HHLA1: variants seen among roughly 807,000 people sequenced by gnomAD.
HHLA1 encodes the protein HERV-H LTR-associating protein 1.
In HHLA1, 72 loss-of-function variants were observed where a neutral mutation model predicts 69.9. The ratio of observed to expected loss-of-function variants is 1.03; its 90% CI spans 0.85 to 1.25. The LOEUF (loss-of-function observed/expected upper bound fraction) is 1.25, where lower values mean the gene tolerates loss of function less well. Ranked by LOEUF, HHLA1 falls within the 50% of genes most tolerant of loss-of-function variation. The pLI, the probability that HHLA1 is intolerant of heterozygous loss-of-function variation, is 0.00. For missense variants in HHLA1, 685 were observed against 642.2 expected (o/e 1.07, Z -0.72); for synonymous variants, 252 against 233.2 (o/e 1.08, Z -0.73).
chr8:132,081,134 T>C (rs1202417697), intron 10 of HHLA1: 1 of 104,162 alleles, frequency 9.6e-6, no homozygotes, highest in Non-Finnish European at 2.0e-5. Context: ...CCAGTAGATA[T>C]CAGCTGTGAT....
chr8:132,072,559 C>T (rs1202462907), intron 14 of HHLA1, among the ~76,000 whole-genome samples: 11 of 152,158 alleles, frequency 7.2e-5, no homozygotes, highest in Non-Finnish European at 1.6e-4. Flanking sequence ...TTTCTAGGGA[C>T]TGGAAGGTTA....
intron 7 of HHLA1, among the ~76,000 whole-genome samples, chr8:132,095,000 C>T (rs907480694): frequency 6.6e-6 from 1 of 152,202 alleles, no homozygotes; most frequent in African/African-American, 2.4e-5. Flanking sequence ...AAAAAAAGTT[C>T]AGATAATCTA....
intron 1 of HHLA1, among the ~76,000 whole-genome samples, chr8:132,108,107 T>G (rs573245325): frequency 2.6e-5 from 4 of 152,318 alleles, no homozygotes; most frequent in South Asian, 4.1e-4. Flanking sequence ...ACCCTGGAGT[T>G]GGAGGACTGC....
chr8:132,084,999 G>A (rs549040627), intron 10 of HHLA1, among the ~76,000 whole-genome samples: 5 of 152,124 alleles, frequency 3.3e-5, no homozygotes, highest in Admixed American at 3.3e-4. Context: ...AGAAGGGGTT[G>A]AGGGGTATTT....
rs750111284 is a variant in HHLA1, at chr8:132,070,011, CGGGGG to C, written c.1469+1324_1469+1328del. On this transcript the variant is annotated intron_variant, in intron 15 of 16. Transcript: ENST00000414222. ...TGAATGGAGGAAATGTTCGTACTGA[CGGGGG>C]GGGGGGGGAGGGGGATGAAAGATTA... 66 of 24,204 alleles carry C rather than the reference CGGGGG, an allele frequency of 2.7e-3. 20 individuals carry two copies. Among genetic ancestry groups the C allele is most frequent in the Admixed American group, 0.017 (37 of 2,234 alleles). 1.5% of individuals were successfully genotyped at this position (24,204 alleles called of 1,614,324 possible). A position where few individuals can be genotyped will look rare whatever the true frequency, so the allele number is the denominator to read the frequency against.
chr8:132,105,225 C>G lies in HHLA1; in HGVS notation c.41G>C (p.Cys14Ser). ...FLSRGPSMKLCMGLACVLSLW... is the reference protein window; with the variant it reads ...FLSRGPSMKLSMGLACVLSLW... ...GGACAAGACACATGCCAGGCCCATG[C>G]ACAGCTTCATTGAAGGACCACGTGA... The change falls in exon 2 of 17, where the codon TGC becomes TCC. Residue 14 changes from cysteine (C) to serine (S), a missense_variant. Cys to Ser is a moderately radical substitution (Grantham distance 112). Transcript: ENST00000414222. 6.4e-7 allele frequency: 1 copy of G among 1,552,204 alleles called. No homozygotes were observed. The highest frequency in any genetic ancestry group is 8.7e-7 in the Non-Finnish European group (1 of 1,147,096).
intron 11 of HHLA1, among the ~76,000 whole-genome samples, chr8:132,079,421 G>T (rs971038298): frequency 6.6e-6 from 1 of 152,194 alleles, no homozygotes. Context: ...CTGGGTGAAG[G>T]GTACCAGGGA....
At chr8:132,099,953 G>A in intron 4 of HHLA1, 122 bp downstream of exon 4, 1 of 683,788 alleles carries the variant, frequency 1.5e-6, no homozygotes, top group Non-Finnish European at 2.6e-6. Flanking sequence ...TTTACTTAAT[G>A]ATCAGATAAT....
intron 10 of HHLA1, among the ~76,000 whole-genome samples, chr8:132,081,363 T>A (rs1823750423): frequency 6.6e-6 from 1 of 152,156 alleles, no homozygotes; most frequent in African/African-American, 2.4e-5. Context: ...AGGCCTGAAT[T>A]CTGAGAAGGG....
chr8:132,074,855 G>A (rs1823608024), intron 14 of HHLA1, among the ~76,000 whole-genome samples: 1 of 152,234 alleles, frequency 6.6e-6, no homozygotes, highest in East Asian at 1.9e-4. Flanking sequence ...AGATGAGTGG[G>A]TAGGTTAATA....
intron 15 of HHLA1, among the ~76,000 whole-genome samples, chr8:132,069,037 T>C (rs1823486662): frequency 6.6e-6 from 1 of 151,940 alleles, no homozygotes; most frequent in African/African-American, 2.4e-5. Flanking sequence ...AGCTCTAGAG[T>C]GAAAGTCAAA....
At chr8:132,099,374 A>G (rs1196624724) in intron 4 of HHLA1, among the ~76,000 whole-genome samples, 3 of 152,238 alleles carry the variant, frequency 2.0e-5, no homozygotes, top group Non-Finnish European at 4.4e-5. Flanking sequence ...GAGCATTGAC[A>G]TCACCTGGAA....
rs1245524627 is a variant in HHLA1, at chr8:132,087,644, G to A, written c.676+9C>T. 6.5e-7 allele frequency: 1 copy of A among 1,539,564 alleles called. No homozygotes were observed. Among genetic ancestry groups the A allele is most frequent in the Non-Finnish European group, 8.8e-7 (1 of 1,136,146 alleles). The stretch of plus-strand genomic sequence containing the variant: ...GTCTATGGGAGGAGTTTGGGAGGTT[G>A]GTACTCACCCAGAACACCAGACAAG... On this transcript the variant is annotated intron_variant, in intron 10 of 16. Transcript: ENST00000414222.
rs138398571 is a variant in HHLA1, at chr8:132,077,667, A to T, written c.1171+59T>A. The T allele has an allele frequency of 4.5e-4, 673 of 1,507,388 alleles. 12 individuals are homozygous for T. In the East Asian group the frequency reaches 0.016, roughly 35 times the overall value. 93.4% of individuals were successfully genotyped at this position (1,507,388 alleles called of 1,614,324 possible). A position where few individuals can be genotyped will look rare whatever the true frequency, so the allele number is the denominator to read the frequency against. Reference sequence around the variant, plus strand: ...CCAAAAATTTAGAAAGTTTATCAAAACAGACAATGCTAAGTTTAATTTAAA... The same window carrying T: ...CCAAAAATTTAGAAAGTTTATCAAATCAGACAATGCTAAGTTTAATTTAAA... On this transcript the variant is annotated intron_variant, in intron 12 of 16. Transcript: ENST00000414222.
At chr8:132,096,591 C>T (rs532210058) in intron 5 of HHLA1, among the ~76,000 whole-genome samples, 1 of 152,258 alleles carries the variant, frequency 6.6e-6, no homozygotes, top group South Asian at 2.1e-4. Flanking sequence ...TACTCTCCAT[C>T]AGTGCCTGTT....
rs926748506 is a variant in HHLA1 at position 132,095,831 on chromosome 8, C to A, written c.281-45G>T. ...AAAGAGACAGACAGATGCCTACTAACGTAACAATAATACAAATAAGTAAAC... is the reference window on the plus strand; with the variant it reads ...AAAGAGACAGACAGATGCCTACTAAAGTAACAATAATACAAATAAGTAAAC... On this transcript the variant is annotated intron_variant, in intron 5 of 16. Coordinates refer to ENST00000414222, the MANE Select transcript of HHLA1 (RefSeq NM_001145095.3). 6 of 1,203,476 alleles carry A rather than the reference C, an allele frequency of 5.0e-6. No individual in the cohort carries two copies. In the Admixed American group the frequency reaches 7.4e-5, roughly 15 times the overall value. The allele number at this position is 1,203,476 out of a possible 1,614,324, so 74.5% of individuals were successfully genotyped here. A position where few individuals can be genotyped will look rare whatever the true frequency, so the allele number is the denominator to read the frequency against.
chr8:132,095,459 A>C, intron 7 of HHLA1, 60 bp downstream of exon 7: 1 of 1,131,648 alleles, frequency 8.8e-7, no homozygotes, highest in African/African-American at 1.5e-5. Context: ...ACAAAAACTT[A>C]TCTAAAAGGA....
Position 132,071,479 on chromosome 8 carries a change from G to C in HHLA1, c.1330C>G (p.Leu444Val), listed in dbSNP as rs1183337482. The C allele has an allele frequency of 6.4e-7, 1 of 1,551,408 alleles. No individual in the cohort carries two copies. The highest frequency in any genetic ancestry group is 2.4e-5 in the East Asian group (1 of 40,934). ...GCTGCCATAGCTCCCACCTTGAAGA[G>C]TGGCTGAGGACACCCTAGAAGATGC... ...PHQVSRCPQPLFKVGAMAAAP... is the reference protein window; with the variant it reads ...PHQVSRCPQPVFKVGAMAAAP... The change falls in exon 15 of 17, where the codon CTC becomes GTC. Residue 444 changes from leucine to valine, a missense_variant. Physicochemically the swap from Leu to Val is conservative, Grantham distance 32. Transcript: ENST00000414222.
At chr8:132,079,406 G>C (rs1315354274) in intron 11 of HHLA1, among the ~76,000 whole-genome samples, 2 of 152,222 alleles carry the variant, frequency 1.3e-5, no homozygotes, top group Non-Finnish European at 2.9e-5. Context: ...TAGCATTGAA[G>C]GAGGCTGGGT....
Sources: gnomAD v4.1 joint callset for allele counts (sites outside exome capture counted in the v4.1 genomes callset) on GRCh38, gnomAD v4.1.1 for gene constraint, MANE v1.5 for transcripts, NCBI Gene and HGNC (gene_info 2026-07-23, HGNC 2026-07-21) for gene names.